HPSE2: variants seen among roughly 807,000 people sequenced by gnomAD.
The protein encoded by HPSE2 is inactive heparanase-2.
Under a neutral mutation model 60.5 loss-of-function variants are expected in HPSE2, and 38 were observed. The ratio of observed to expected loss-of-function variants is 0.63; its 90% CI spans 0.48 to 0.82. The LOEUF (loss-of-function observed/expected upper bound fraction) is 0.82. Among genes scored for constraint, HPSE2 ranks in the 40% least tolerant of loss-of-function variants. The probability of loss-of-function intolerance (pLI) is 0.00; values close to 1 mark genes in which losing one functional copy is unlikely to be tolerated. For missense variants in HPSE2, 713 were observed against 740.4 expected (o/e 0.96, Z 0.43); for synonymous variants, 295 against 293.2 (o/e 1.01, Z -0.06).
At chr10:98,923,175 T>C (rs1373805696) in intron 3 of HPSE2, among the ~76,000 whole-genome samples, 1 of 152,218 alleles carries the variant, frequency 6.6e-6, no homozygotes, top group African/African-American at 2.4e-5. Context: ...TATACTAATC[T>C]AAGATAAGAG....
At chr10:98,576,123 A>G (rs1039059418) in intron 9 of HPSE2, among the ~76,000 whole-genome samples, 1 of 152,250 alleles carries the variant, frequency 6.6e-6, no homozygotes, top group Admixed American at 6.5e-5. Context: ...TAATTGGAAT[A>G]ATAATATATT....
chr10:98,939,042 T>G (rs1333918341), intron 3 of HPSE2, among the ~76,000 whole-genome samples: 3 of 143,670 alleles, frequency 2.1e-5, no homozygotes, highest in Non-Finnish European at 4.5e-5. Flanking sequence ...TGCTGAGAGA[T>G]TTTGTCACCA....
chr10:99,035,007 A>G (rs554044050), intron 3 of HPSE2, among the ~76,000 whole-genome samples: 20 of 152,296 alleles, frequency 1.3e-4, no homozygotes, highest in African/African-American at 3.8e-4. Flanking sequence ...AGTGGTGAGT[A>G]GATGTGAAGA....
At chr10:98,740,935 T>C (rs973232018) in intron 4 of HPSE2, among the ~76,000 whole-genome samples, 3 of 152,126 alleles carry the variant, frequency 2.0e-5, no homozygotes, top group Non-Finnish European at 4.4e-5. Context: ...ATACTGTACA[T>C]TGGATATCTT....
At chr10:98,835,744 C>T (rs558163997) in intron 3 of HPSE2, among the ~76,000 whole-genome samples, 3 of 152,142 alleles carry the variant, frequency 2.0e-5, no homozygotes, top group Non-Finnish European at 4.4e-5. Context: ...TCTTCAGTCA[C>T]ATATTTTAAA....
chr10:98,782,936 T>TG (rs1360893911), intron 3 of HPSE2, among the ~76,000 whole-genome samples: 2 of 61,904 alleles, frequency 3.2e-5, no homozygotes, highest in Non-Finnish European at 6.1e-5. Context: ...ATTTTTTTTT[T>TG]TAATGTTTTT....
At chr10:98,728,776 G>A (rs2134277149) in intron 4 of HPSE2, among the ~76,000 whole-genome samples, 1 of 152,330 alleles carries the variant, frequency 6.6e-6, no homozygotes, top group Non-Finnish European at 1.5e-5. Flanking sequence ...GCTAGGCTGA[G>A]GTGGGAGGAT....
intron 3 of HPSE2, among the ~76,000 whole-genome samples, chr10:99,021,366 G>A (rs1385110717): frequency 1.3e-5 from 2 of 152,096 alleles, no homozygotes; most frequent in African/African-American, 2.4e-5. Flanking sequence ...GAAAAAAAGA[G>A]ATCAGCAAGG....
At chr10:98,721,859 T>A in intron 4 of HPSE2, 31 bp from the exon 5 acceptor site, 2 of 1,600,972 alleles carry the variant, frequency 1.2e-6, no homozygotes, top group African/African-American at 1.3e-5. Context: ...TAAGTCAGAA[T>A]GAGAAGTGTA....
Position 99,055,084 on chromosome 10 carries a change from C to G in HPSE2, c.610+89154G>C, listed in dbSNP as rs890072332. On this transcript the variant is annotated intron_variant, in intron 3 of 11. Transcript: ENST00000370552. ...CACCAGATACATAAGAAACATATACCAGCTATATATGGAAAATGTTATCCA... is the reference window on the plus strand; with the variant it reads ...CACCAGATACATAAGAAACATATACGAGCTATATATGGAAAATGTTATCCA... Among the ~76,000 whole-genome samples the G allele has an allele frequency of 3.9e-5, 6 of 152,022 alleles. No homozygotes were observed. In the East Asian group the frequency reaches 1.2e-3, roughly 29 times the overall value.
intron 3 of HPSE2, among the ~76,000 whole-genome samples, chr10:98,797,237 C>T (rs1199153663): frequency 1.3e-5 from 2 of 151,990 alleles, no homozygotes. Flanking sequence ...GAAAGAAATT[C>T]AAGGTAACAC....
At chr10:99,228,236 C>T (rs1046570310) in intron 2 of HPSE2, among the ~76,000 whole-genome samples, 11 of 152,050 alleles carry the variant, frequency 7.2e-5, no homozygotes, top group Admixed American at 3.3e-4. Flanking sequence ...TATGGAAACA[C>T]AGGGTAGTGA....
chr10:98,819,863 T>C (rs1006976215), intron 3 of HPSE2, among the ~76,000 whole-genome samples: 1 of 152,084 alleles, frequency 6.6e-6, no homozygotes, highest in African/African-American at 2.4e-5. Context: ...CTAGCCCCTG[T>C]AGTACTCCTA....
rs1205690393 is a variant in HPSE2 at position 99,160,381 on chromosome 10, A to G, written c.449-15982T>C. 2.0e-5 allele frequency among the ~76,000 whole-genome samples: 3 copies of G among 152,234 alleles called. No individual in the cohort carries two copies. In the East Asian group the frequency reaches 5.8e-4, roughly 29 times the overall value. Reference sequence around the variant, plus strand: ...ACTAAAACCACAATGAGATACTACTACACACCCACTAGAATAGTTATAACC... The same window carrying G: ...ACTAAAACCACAATGAGATACTACTGCACACCCACTAGAATAGTTATAACC... On this transcript the variant is annotated intron_variant, in intron 2 of 11. Coordinates refer to ENST00000370552, the MANE Select transcript of HPSE2 (RefSeq NM_021828.5).
chr10:98,482,929 A>T, intron 10 of HPSE2, 147 bp from the exon 11 acceptor site: 1 of 738,452 alleles, frequency 1.4e-6, no homozygotes, highest in Non-Finnish European at 2.3e-6. Context: ...AAAGAAAGGA[A>T]GGCCTTGTTA....
chr10:98,576,782 C>G (rs974986729), intron 9 of HPSE2, among the ~76,000 whole-genome samples: 4 of 150,662 alleles, frequency 2.7e-5, no homozygotes, highest in African/African-American at 9.8e-5. Context: ...TCTCCAGGAC[C>G]CCTGCTCTAA....
intron 10 of HPSE2, among the ~76,000 whole-genome samples, chr10:98,486,873 A>T (rs1182325165): frequency 6.6e-6 from 1 of 152,182 alleles, no homozygotes; most frequent in Non-Finnish European, 1.5e-5. Flanking sequence ...GGGAAATTTA[A>T]TCCACATGTT....
intron 9 of HPSE2, among the ~76,000 whole-genome samples, chr10:98,536,535 A>T (rs1943288230): frequency 6.6e-6 from 1 of 152,214 alleles, no homozygotes; most frequent in Non-Finnish European, 1.5e-5. Flanking sequence ...GGGGAAGGCC[A>T]GAGTTGGTGG....
At chr10:98,628,496 C>T (rs747768620) in intron 7 of HPSE2, among the ~76,000 whole-genome samples, 1 of 152,060 alleles carries the variant, frequency 6.6e-6, no homozygotes, top group Non-Finnish European at 1.5e-5. Flanking sequence ...AAATGATGTG[C>T]CAATGAAGGT....
Sources: allele counts gnomAD v4.1 joint callset (sites outside exome capture counted in the v4.1 genomes callset), GRCh38; gene constraint gnomAD v4.1.1; transcripts MANE v1.5; gene names NCBI Gene and HGNC (gene_info 2026-07-23, HGNC 2026-07-21).